SATB2: variants seen among roughly 807,000 people sequenced by gnomAD.
SATB2 encodes SATB homeobox 2.
A neutral mutation model predicts 73.4 loss-of-function variants in SATB2; 1 was observed. The observed-to-expected ratio is 0.01, with a 90% CI of 0.00 to 0.06. The LOEUF is 0.06. SATB2 is among the 10% of genes least tolerant of loss of function. SATB2 has a pLI of 1.00. For synonymous variants in SATB2, 397 were observed against 367.0 expected, an observed-to-expected ratio of 1.08 and a Z score of -0.93; for missense variants, 459 against 945.8, an observed-to-expected ratio of 0.49 and a Z score of 6.75.
In SATB2 at chr2:199,308,075, T is replaced by A. The variant is rs139689172; in HGVS notation, c.1740+685A>T. On this transcript the variant is annotated intron_variant, in intron 10 of 10. Coordinates refer to ENST00000417098, the MANE Select transcript of SATB2 (RefSeq NM_001172509.2). The surrounding 1 kb of genome is among the most constrained non-coding windows in gnomAD (Gnocchi z 4.6). ...GTTGGAAACCTCAACTAATATTTCTTCTTAAAAGCAATTAATTTTAGACTA... is the reference window on the plus strand; with the variant it reads ...GTTGGAAACCTCAACTAATATTTCTACTTAAAAGCAATTAATTTTAGACTA... Among the ~76,000 whole-genome samples, 1 of 152,274 alleles carries A rather than the reference T, an allele frequency of 6.6e-6. No individual in the cohort carries two copies. Among genetic ancestry groups the A allele is most frequent in the East Asian group, 1.9e-4 (1 of 5,174 alleles).
At chr2:199,376,483 G>A (rs960489343) in intron 5 of SATB2, among the ~76,000 whole-genome samples, 1 of 152,150 alleles carries the variant, frequency 6.6e-6, no homozygotes, top group African/African-American at 2.4e-5. Context: ...TGTCACAACT[G>A]GGGGAAGGGG....
At chr2:199,335,062 C>T (rs1451421081) in intron 7 of SATB2, among the ~76,000 whole-genome samples, 3 of 151,998 alleles carry the variant, frequency 2.0e-5, no homozygotes, top group Non-Finnish European at 4.4e-5. Context: ...ATTGCTTAGC[C>T]ACGAAGCCAG....
chr2:199,356,444 T>G (rs2105834562), intron 6 of SATB2, among the ~76,000 whole-genome samples: 1 of 152,154 alleles, frequency 6.6e-6, no homozygotes, highest in South Asian at 2.1e-4. Flanking sequence ...CTCGAGCATA[T>G]GAATGCCTTA....
chr2:199,344,745 C>A (rs144960307), intron 7 of SATB2, among the ~76,000 whole-genome samples: 1 of 152,304 alleles, frequency 6.6e-6, no homozygotes, highest in African/African-American at 2.4e-5. Flanking sequence ...ATCCTGTGAT[C>A]TCAAATTGAC....
intron 2 of SATB2, among the ~76,000 whole-genome samples, chr2:199,447,732 G>GTGTTTTCGATCACTGCTTGGGA (rs1246494398): frequency 2.1e-4 from 21 of 97,862 alleles, no homozygotes; most frequent in Admixed American, 3.1e-4. Context: ...TCCCAGGGAA[G>GTGTTTTCGATCACTGCTTGGGA]AATGAGAGCC....
In SATB2 at chr2:199,323,784, T is replaced by C; in HGVS notation, c.1542+19A>G. The C allele has an allele frequency of 6.2e-7, 1 of 1,613,150 alleles. No homozygotes were observed. The highest frequency in any genetic ancestry group is 8.5e-7 in the Non-Finnish European group (1 of 1,179,328). The stretch of plus-strand genomic sequence containing the variant: ...ATCTAATTCCAGCCCTCGATTTTGC[T>C]TTTTTAAAAACCACTCACCTGACTT... On this transcript the variant is annotated intron_variant, in intron 9 of 10. Coordinates refer to ENST00000417098, the MANE Select transcript of SATB2 (RefSeq NM_001172509.2).
At chr2:199,297,226 T>G (rs187628505) in intron 10 of SATB2, among the ~76,000 whole-genome samples, 2 of 152,362 alleles carry the variant, frequency 1.3e-5, no homozygotes, top group East Asian at 3.9e-4. Flanking sequence ...TTCAAATAAT[T>G]TGTTGCCATC....
At chr2:199,426,920 T>A (rs902016704) in intron 3 of SATB2, among the ~76,000 whole-genome samples, 1 of 151,970 alleles carries the variant, frequency 6.6e-6, no homozygotes, top group Non-Finnish European at 1.5e-5. Flanking sequence ...CAGGATGGAG[T>A]GCAGTGGCAC....
chr2:199,366,768 T>C (rs1039126161), intron 6 of SATB2, among the ~76,000 whole-genome samples: 1 of 151,462 alleles, frequency 6.6e-6, no homozygotes, highest in Non-Finnish European at 1.5e-5. Context: ...GGTCTCAGTC[T>C]GCTTTTACAG....
At chr2:199,340,632 C>T (rs1365789842) in intron 7 of SATB2, among the ~76,000 whole-genome samples, 1 of 152,150 alleles carries the variant, frequency 6.6e-6, no homozygotes, top group Non-Finnish European at 1.5e-5. Context: ...ATGAGTATGG[C>T]AAATGTTTCA....
chr2:199,343,668 G>A (rs918947642), intron 7 of SATB2, among the ~76,000 whole-genome samples: 5 of 152,154 alleles, frequency 3.3e-5, no homozygotes, highest in Non-Finnish European at 5.9e-5. Context: ...ATACACAACA[G>A]GTTATGATCC....
chr2:199,281,160 G>A (rs139916397), intron 10 of SATB2, among the ~76,000 whole-genome samples: 3,581 of 152,054 alleles, frequency 0.024, 65 homozygotes, highest in Middle Eastern at 0.065. Context: ...CTTGAACCCA[G>A]GAGCGGGAGG....
At chr2:199,430,640 C>T (rs1217580548) in intron 3 of SATB2, among the ~76,000 whole-genome samples, 1 of 152,138 alleles carries the variant, frequency 6.6e-6, no homozygotes, top group Non-Finnish European at 1.5e-5. Context: ...CCCTAAACTC[C>T]ATTTTAGTAG....
intron 3 of SATB2, among the ~76,000 whole-genome samples, chr2:199,413,966 A>G (rs1690898884): frequency 6.6e-6 from 1 of 152,194 alleles, no homozygotes; most frequent in Non-Finnish European, 1.5e-5. Flanking sequence ...TAAATGATTA[A>G]TACCTAAGCT....
At chr2:199,365,966 G>C (rs1689270695) in intron 6 of SATB2, among the ~76,000 whole-genome samples, 2 of 152,084 alleles carry the variant, frequency 1.3e-5, no homozygotes, top group African/African-American at 4.8e-5. Context: ...TTATGTTTAG[G>C]AAATCATGTT....
At chr2:199,355,265 T>C (rs936450809) in intron 6 of SATB2, among the ~76,000 whole-genome samples, 2 of 150,538 alleles carry the variant, frequency 1.3e-5, no homozygotes, top group Admixed American at 1.3e-4. Context: ...TATGTGTATA[T>C]ATACAAGGAT....
rs79968972 is a variant in SATB2, at chr2:199,383,472, T to C, written c.347-1652A>G. Among the ~76,000 whole-genome samples the C allele has an allele frequency of 6.6e-3, 1,005 of 152,292 alleles. 6 individuals carry two copies. Among genetic ancestry groups the C allele is most frequent in the African/African-American group, 0.023 (953 of 41,570 alleles). On this transcript the variant is annotated intron_variant, in intron 3 of 10. Transcript: ENST00000417098. ...ATGTAACATGTCTAACATATTTCCT[T>C]TTTAAAAAATCATTCTACAATTTTA...
Position 199,323,927 on chromosome 2 carries a change from GGGA to G in SATB2, c.1415_1417del (p.Leu472del). 5 of 1,613,444 alleles carry G rather than the reference GGGA, an allele frequency of 3.1e-6. No homozygotes were observed. The highest frequency in any genetic ancestry group is 4.2e-6 in the Non-Finnish European group (5 of 1,179,556). ...GATGTTGGCGCCGTCCACCTTAATA[GGGA>G]GGTCTGTTGTCGGTGTCGAGGTTTT... On this transcript the variant is annotated inframe_deletion, in exon 9 of 11. Transcript: ENST00000417098.
chr2:199,377,391 C>CA (rs1689637113), intron 5 of SATB2, among the ~76,000 whole-genome samples: 2 of 151,920 alleles, frequency 1.3e-5, no homozygotes, highest in South Asian at 4.2e-4. Flanking sequence ...AACAAACAAA[C>CA]AAACAAACAA....
Sources: gnomAD v4.1 joint callset for allele counts (sites outside exome capture counted in the v4.1 genomes callset) on GRCh38, gnomAD v4.1.1 for gene constraint, Gnocchi (gnomAD v3.1) non-coding constraint, MANE v1.5 for transcripts, NCBI Gene and HGNC (gene_info 2026-07-23, HGNC 2026-07-21) for gene names.